The following SLC30A7 variants were observed in gnomAD, a reference collection of about 807,000 sequenced individuals.
The protein encoded by SLC30A7 is solute carrier family 30 member 7.
In SLC30A7, 35 loss-of-function variants were observed where a neutral mutation model predicts 46.0. The ratio of observed to expected loss-of-function variants is 0.76; its 90% CI spans 0.58 to 1.01. SLC30A7 has a LOEUF of 1.01. Among genes scored for constraint, SLC30A7 ranks in the 50% least tolerant of loss-of-function variants. The pLI is 0.00. For synonymous variants in SLC30A7, 147 were observed against 157.8 expected (o/e 0.93, Z 0.51); for missense variants, 464 against 451.1 (o/e 1.03, Z -0.26).
chr1:100,900,467 T>C (rs2101000536), intron 2 of SLC30A7, among the ~76,000 whole-genome samples: 1 of 152,338 alleles, frequency 6.6e-6, no homozygotes, highest in African/African-American at 2.4e-5. Flanking sequence ...GTTTTTCTAT[T>C]AAAATTTTCA....
At chr1:100,921,609 T>C (rs1652935963) in intron 7 of SLC30A7, 97 bp from the exon 8 acceptor site, 1 of 921,140 alleles carries the variant, frequency 1.1e-6, no homozygotes. Context: ...TGATATCTAG[T>C]TTTTTATATA....
At chr1:100,941,069 C>CTTGGTTTCA (rs1654315127) in intron 8 of SLC30A7, 1 of 320,162 alleles carries the variant, frequency 3.1e-6, no homozygotes, top group South Asian at 3.3e-5. Flanking sequence ...CCACAGCCAC[C>CTTGGTTTCA]TTGGTTTCAT....
Position 100,978,145 on chromosome 1 carries a change from A to G in SLC30A7, c.*3288A>G, listed in dbSNP as rs17100939. 0.28 allele frequency: 42,093 copies of G among 152,122 alleles called. 6,079 individuals carry two copies. The highest frequency in any genetic ancestry group is 0.35 in the African/African-American group (14,676 of 41,474). The allele number at this position is 152,122 out of a possible 1,614,324, so 9.4% of individuals were successfully genotyped here. On this transcript the variant is annotated 3_prime_UTR_variant, in exon 11 of 11. Coordinates refer to ENST00000357650, the MANE Select transcript of SLC30A7 (RefSeq NM_133496.5). ...TCCTCAGTTTGCTAACTCCCCATGC[A>G]TCTTTGTGAAGGACAGTATCTAGTT...
At chr1:100,990,753 C>T in the SLC30A7 span, 2 of 877,744 alleles carry the variant, frequency 2.3e-6, no homozygotes, top group South Asian at 1.7e-5. Context: ...ATCTCTTTTG[C>T]CACTTATGGA....
chr1:100,917,392 G>A (rs1652638331), intron 6 of SLC30A7, among the ~76,000 whole-genome samples: 1 of 152,110 alleles, frequency 6.6e-6, no homozygotes. Context: ...CCTTTTTGGT[G>A]CTGTGGGCCA....
At chr1:100,898,253 A>G (rs576855999) in intron 2 of SLC30A7, among the ~76,000 whole-genome samples, 1 of 152,298 alleles carries the variant, frequency 6.6e-6, no homozygotes, top group Admixed American at 6.5e-5. Flanking sequence ...TATCTCATTC[A>G]AGAGATTCAC....
chr1:100,958,992 G>A (rs1267969173), intron 8 of SLC30A7, among the ~76,000 whole-genome samples: 1 of 152,162 alleles, frequency 6.6e-6, no homozygotes, highest in Non-Finnish European at 1.5e-5. Context: ...TTTTAAAGAA[G>A]GAGTGTAAGA....
rs369291054 is a variant in SLC30A7, at chr1:100,977,180, T to C, written c.*2323T>C. On this transcript the variant is annotated 3_prime_UTR_variant, in exon 11 of 11. Coordinates refer to ENST00000357650, the MANE Select transcript of SLC30A7 (RefSeq NM_133496.5). Reference sequence around the variant, plus strand: ...ACTGATATTTCACATACGGAGATATTTGAAGACCCAAGTCTGCCTTTCACA... The same window carrying C: ...ACTGATATTTCACATACGGAGATATCTGAAGACCCAAGTCTGCCTTTCACA... The C allele has an allele frequency of 1.3e-5, 2 of 152,104 alleles. No homozygotes were observed. The highest frequency in any genetic ancestry group is 4.8e-5 in the African/African-American group (2 of 41,412). 9.4% of individuals were successfully genotyped at this position (152,104 alleles called of 1,614,324 possible).
At position 100,901,537 on chromosome 1, in the gene SLC30A7, C is replaced by G. The variant is rs151107418; in HGVS notation, c.182+4866C>G. Among the ~76,000 whole-genome samples the G allele has an allele frequency of 8.0e-3, 1,220 of 152,280 alleles. 12 individuals carry two copies. Among genetic ancestry groups the G allele is most frequent in the African/African-American group, 0.028 (1,157 of 41,540 alleles). On this transcript the variant is annotated intron_variant, in intron 2 of 10. Transcript: ENST00000357650. ...TGGCGCGATCTTGGCTTACTGCAAC[C>G]TCTGCCCCCTGAGTTCAAGCAATCC... is the stretch of plus-strand genomic sequence containing the variant.
At chr1:100,913,929 T>C in intron 6 of SLC30A7, 123 bp downstream of exon 6, 1 of 1,347,630 alleles carries the variant, frequency 7.4e-7, no homozygotes, top group Non-Finnish European at 9.9e-7. Flanking sequence ...AATGAATCAG[T>C]CTAAATGGTT....
rs1170639203 is a variant in SLC30A7 at position 100,978,778 on chromosome 1, A to G, written c.*3921A>G. On this transcript the variant is annotated 3_prime_UTR_variant, in exon 11 of 11. Coordinates refer to ENST00000357650, the MANE Select transcript of SLC30A7 (RefSeq NM_133496.5). ...ATTGTCTCATTTTTCGTATATAATT[A>G]TTTCCATCATATTCTTTATGGAAGA... The G allele has an allele frequency of 2.0e-5, 3 of 152,176 alleles. No individual in the cohort carries two copies. Among genetic ancestry groups the G allele is most frequent in the Admixed American group, 6.5e-5 (1 of 15,278 alleles). 9.4% of individuals were successfully genotyped at this position (152,176 alleles called of 1,614,324 possible).
At chr1:100,990,384 T>G in the SLC30A7 span, 2 of 1,604,124 alleles carry the variant, frequency 1.2e-6, no homozygotes, top group African/African-American at 2.7e-5. Flanking sequence ...GAAATTTACA[T>G]CAGACAATGG....
At chr1:100,906,770 A>G (rs994995818) in intron 2 of SLC30A7, 82 bp from the exon 3 acceptor site, 76 of 896,048 alleles carry the variant, frequency 8.5e-5, no homozygotes, top group Non-Finnish European at 1.2e-4. Context: ...TGATGAACAA[A>G]GGCTGAATCT....
At chr1:100,917,297 G>A (rs1004420840) in intron 6 of SLC30A7, among the ~76,000 whole-genome samples, 23 of 152,132 alleles carry the variant, frequency 1.5e-4, no homozygotes, top group African/African-American at 5.6e-4. Context: ...ATTATATGGT[G>A]TTATGCTTTT....
intron 6 of SLC30A7, among the ~76,000 whole-genome samples, chr1:100,916,692 T>C (rs1051877636): frequency 1.3e-5 from 2 of 149,800 alleles, no homozygotes; most frequent in African/African-American, 4.9e-5. Flanking sequence ...TAGTAAATCT[T>C]ATTCATTCAT....
chr1:100,961,723 G>C (rs570228973), intron 8 of SLC30A7, 105 bp from the exon 9 acceptor site: 3 of 522,284 alleles, frequency 5.7e-6, no homozygotes, highest in Non-Finnish European at 1.0e-5. Flanking sequence ...TATTATTCCC[G>C]TAAGTCCTAT....
intron 3 of SLC30A7, among the ~76,000 whole-genome samples, chr1:100,908,838 C>G (rs535584945): frequency 6.6e-6 from 1 of 152,062 alleles, no homozygotes; most frequent in Non-Finnish European, 1.5e-5. Flanking sequence ...TAAACAGTAG[C>G]TGACTATTGA....
chr1:100,973,296 C>G (rs999441793), intron 10 of SLC30A7, among the ~76,000 whole-genome samples: 1 of 152,002 alleles, frequency 6.6e-6, no homozygotes, highest in African/African-American at 2.4e-5. Flanking sequence ...AGATTTTTTC[C>G]TCACTCTGAT....
At chr1:100,994,935 T>C in the SLC30A7 span, among the ~76,000 whole-genome samples, 1 of 152,360 alleles carries the variant, frequency 6.6e-6, no homozygotes, top group East Asian at 1.9e-4. Context: ...AATATATTGC[T>C]ATTTCTACTC....
Sources: gnomAD v4.1 joint callset for allele counts (sites outside exome capture counted in the v4.1 genomes callset) on GRCh38, gnomAD v4.1.1 for gene constraint, MANE v1.5 for transcripts, NCBI Gene and HGNC (gene_info 2026-07-23, HGNC 2026-07-21) for gene names.